The following GPR35 variants were observed in gnomAD, a reference collection of about 807,000 sequenced individuals.
GPR35 encodes the protein KYNA receptor.
For synonymous variants in GPR35, 207 were observed against 198.4 expected (o/e 1.04, Z -0.36); for missense variants, 372 against 422.5 (o/e 0.88, Z 1.05).
chr2:240,621,489 G>A (rs1329548456), upstream of GPR35, among the ~76,000 whole-genome samples: 5 of 151,990 alleles, frequency 3.3e-5, no homozygotes, highest in East Asian at 1.9e-4. Flanking sequence ...TCCTGACCTC[G>A]TGATCCCCCT....
At chr2:240,627,682 C>T (rs1299934949) in intron 1 of GPR35, 4 of 134,082 alleles carry the variant, frequency 3.0e-5, no homozygotes, top group African/African-American at 1.1e-4. Flanking sequence ...CCTGTGATGC[C>T]CAGGTTGTTC....
upstream of GPR35, among the ~76,000 whole-genome samples, chr2:240,624,078 C>G (rs1370994030): frequency 6.6e-6 from 1 of 152,118 alleles, no homozygotes; most frequent in South Asian, 2.1e-4. Context: ...GGGGCACCAT[C>G]TGATCTGCCA....
At chr2:240,605,984 C>T (rs2953161) in intron 1 of GPR35, among the ~76,000 whole-genome samples, 61,027 of 151,956 alleles carry the variant, frequency 0.4, 13,459 homozygotes, top group East Asian at 0.64. Flanking sequence ...CCGGAGCTCT[C>T]GGCTCTCTGT....
intron 1 of GPR35, chr2:240,627,458 TAGTTAG>T (rs1274421164): frequency 2.6e-5 from 4 of 152,026 alleles, no homozygotes; most frequent in African/African-American, 9.7e-5. Context: ...TTAAATGTTG[TAGTTAG>T]AGTTTTTTTC....
chr2:240,613,803 C>T (rs1345050148), intron 2 of GPR35, among the ~76,000 whole-genome samples: 1 of 149,362 alleles, frequency 6.7e-6, no homozygotes, highest in South Asian at 2.1e-4. Flanking sequence ...TCAACCCAAA[C>T]CTTAACCCTA....
exon 3 of GPR35, chr2:240,616,437 C>A (rs1317422716): frequency 1.3e-6 from 1 of 780,592 alleles, no homozygotes; most frequent in African/African-American, 1.7e-5. Context: ...AAAGTCCAGC[C>A]TGTATGGCTG....
chr2:240,623,145 G>A (rs991468833), upstream of GPR35, among the ~76,000 whole-genome samples: 22 of 152,358 alleles, frequency 1.4e-4, no homozygotes, highest in East Asian at 3.9e-4. Context: ...GTGGGTGAGC[G>A]GTCGTCGAGC....
In GPR35 at chr2:240,630,155, G is replaced by C. The variant is rs144901021; in HGVS notation, c.203G>C (p.Cys68Ser). The C allele has an allele frequency of 6.3e-6, 10 of 1,599,086 alleles. No homozygotes were observed. The Admixed American group carries it at 8.3e-5, about 13-fold the overall frequency. The change falls in exon 2 of 2, where the codon TGC (cysteine) becomes TCC (serine). Residue 68 changes from cysteine to serine, a missense_variant. Coordinates refer to ENST00000407714, the MANE Select transcript of GPR35 (RefSeq NM_005301.5). The stretch of plus-strand genomic sequence containing the variant: ...ACCAACCTGGCGGTGGCCGACCTCT[G>C]CCTGCTGTGCACCTTGCCCTTCGTG... ...YMTNLAVADL[C>S]LLCTLPFVLH...
chr2:240,613,696 T>G (rs1476979973), intron 2 of GPR35, among the ~76,000 whole-genome samples: 1 of 150,640 alleles, frequency 6.6e-6, no homozygotes, highest in Non-Finnish European at 1.5e-5. Flanking sequence ...TAACACTAAC[T>G]CCACCCTATT....
chr2:240,608,343 T>A (rs1200682064), intron 2 of GPR35, among the ~76,000 whole-genome samples: 1 of 152,246 alleles, frequency 6.6e-6, no homozygotes, highest in Non-Finnish European at 1.5e-5. Flanking sequence ...CGTTTGTTTC[T>A]GAGTATAGTG....
intron 4 of GPR35, chr2:240,617,743 T>C (rs947226452): frequency 6.0e-6 from 1 of 165,826 alleles, no homozygotes; most frequent in African/African-American, 2.4e-5. Context: ...AAACATTTTT[T>C]GATGTTCCCA....
chr2:240,630,310 C>T lies in GPR35; in HGVS notation c.358C>T (p.His120Tyr). ...IAVDRYVAVR[H>Y]PLRARGLRSP... Reference sequence around the variant, plus strand: ...CGTGGACCGCTATGTGGCCGTGCGGCACCCGCTGCGTGCCCGCGGGCTGCG... The same window carrying T: ...CGTGGACCGCTATGTGGCCGTGCGGTACCCGCTGCGTGCCCGCGGGCTGCG... The change falls in exon 2 of 2, where the codon CAC becomes TAC. Residue 120 changes from histidine (H) to tyrosine (Y), a missense_variant. Physicochemically the swap from His to Tyr is moderately conservative, Grantham distance 83. Transcript: ENST00000407714. 2 of 1,583,638 alleles carry T rather than the reference C, an allele frequency of 1.3e-6. No homozygotes were observed. Among genetic ancestry groups the T allele is most frequent in the Non-Finnish European group, 1.7e-6 (2 of 1,170,140 alleles).
intron 5 of GPR35, chr2:240,619,039 C>A: frequency 1.4e-6 from 1 of 701,762 alleles, no homozygotes; most frequent in Non-Finnish European, 2.6e-6. Context: ...TCTGTGAGTA[C>A]ATTCCTAGAA....
chr2:240,619,133 A>G (rs1201556988), intron 5 of GPR35: 2 of 614,226 alleles, frequency 3.3e-6, no homozygotes, highest in Non-Finnish European at 5.9e-6. Flanking sequence ...GGTTTGTGCC[A>G]CCTTAGAGAT....
intron 3 of GPR35, chr2:240,616,914 AACC>A (rs2043244888): frequency 1.3e-6 from 1 of 765,034 alleles, no homozygotes; most frequent in African/African-American, 1.7e-5. Flanking sequence ...TGAGGGCAGG[AACC>A]AGGGAAGATT....
At position 240,612,448 on chromosome 2, in the gene GPR35, A is replaced by T. The variant is rs2043192157; in HGVS notation, c.-576-3940A>T. 4.3e-5 allele frequency among the ~76,000 whole-genome samples: 5 copies of T among 116,360 alleles called. No homozygotes were observed. In the South Asian group the frequency reaches 8.7e-4, roughly 20 times the overall value. The allele number at this position is 116,360 out of a possible 152,430, so 76.3% of individuals were successfully genotyped here. A position where few individuals can be genotyped will look rare whatever the true frequency, so the allele number is the denominator to read the frequency against. On this transcript the variant is annotated intron_variant, in intron 2 of 5. Coordinates refer to the GPR35 transcript ENST00000319838. ...TCTCAAAAAAAAAAAAAAAAAAAAA[A>T]GGACTAGGGACTTACTGACTTGGCC...
At chr2:240,614,058 C>A (rs527873001) in intron 2 of GPR35, among the ~76,000 whole-genome samples, 2 of 149,626 alleles carry the variant, frequency 1.3e-5, no homozygotes, top group Non-Finnish European at 3.0e-5. Context: ...CTAACGCTAA[C>A]CCTAACCATG....
At chr2:240,617,961 TC>T (rs1484979234) in intron 4 of GPR35, among the ~76,000 whole-genome samples, 1 of 152,194 alleles carries the variant, frequency 6.6e-6, no homozygotes, top group Non-Finnish European at 1.5e-5. Context: ...GAGCCCCTCT[TC>T]CTCTTCAAGA....
rs114937832 is a variant in GPR35, at chr2:240,616,283, C to A, written c.-576-105C>A. ...GGGCTCGTGGTCCCAACCTCGACAG[C>A]AGTGGCTCCACAGGATGCATACGAG... is the stretch of plus-strand genomic sequence containing the variant. On this transcript the variant is annotated intron_variant, in intron 2 of 5. Transcript: ENST00000319838. 6.5e-4 allele frequency: 417 copies of A among 645,090 alleles called. 1 individual carries two copies. The African/African-American group carries it at 7.1e-3, about 11-fold the overall frequency. The allele number at this position is 645,090 out of a possible 1,614,324, so 40.0% of individuals were successfully genotyped here.
Sources: allele counts gnomAD v4.1 joint callset (sites outside exome capture counted in the v4.1 genomes callset), GRCh38; gene constraint gnomAD v4.1.1; transcripts MANE v1.5; gene names NCBI Gene and HGNC (gene_info 2026-07-23, HGNC 2026-07-21).